NCKAP5: variants seen among roughly 807,000 people sequenced by gnomAD.
NCKAP5 encodes the protein NCK associated protein 5.
NCKAP5 carries 92 observed loss-of-function variants against 167.0 expected under a neutral mutation model. That is an observed-to-expected ratio of 0.55 (90% CI 0.47 to 0.66). NCKAP5 has a LOEUF of 0.66. NCKAP5 is among the 30% of genes least tolerant of loss of function. The pLI, the probability that NCKAP5 is intolerant of heterozygous loss-of-function variation, is 0.00. For missense variants in NCKAP5, 2,378 were observed against 2,315.0 expected (o/e 1.03, Z -0.56); for synonymous variants, 891 against 877.4 (o/e 1.02, Z -0.27).
At chr2:133,083,830 G>T (rs561092587) in intron 6 of NCKAP5, among the ~76,000 whole-genome samples, 1 of 152,266 alleles carries the variant, frequency 6.6e-6, no homozygotes, top group Non-Finnish European at 1.5e-5. Context: ...TGTGCTAAGT[G>T]CTGAGGATAT....
chr2:132,701,297 G>T lies in NCKAP5; in HGVS notation c.5713+24330C>A, dbSNP rs113839994. Among the ~76,000 whole-genome samples the T allele has an allele frequency of 1.3e-5, 2 of 152,114 alleles. 1 individual carries two copies. Among genetic ancestry groups the T allele is most frequent in the African/African-American group, 4.8e-5 (2 of 41,476 alleles). ...AATGAGGGCGGGATAAGAGAGCAGG[G>T]TGCCATCTGGGCCCATTACACACAA... On this transcript the variant is annotated intron_variant, in intron 19 of 19. Coordinates refer to ENST00000409261, the MANE Select transcript of NCKAP5 (RefSeq NM_207363.3).
chr2:132,757,161 G>A (rs1331348121), intron 16 of NCKAP5, among the ~76,000 whole-genome samples: 1 of 152,136 alleles, frequency 6.6e-6, no homozygotes, highest in African/African-American at 2.4e-5. Context: ...CAAAGATAAA[G>A]AAAACATCAT....
At chr2:132,854,644 G>A (rs892795692) in intron 11 of NCKAP5, among the ~76,000 whole-genome samples, 1 of 152,162 alleles carries the variant, frequency 6.6e-6, no homozygotes, top group Non-Finnish European at 1.5e-5. Context: ...CTTGCCCCAC[G>A]CCTGTCTCTG....
intron 9 of NCKAP5, among the ~76,000 whole-genome samples, chr2:132,869,635 C>A (rs1048461482): frequency 6.6e-6 from 1 of 152,114 alleles, no homozygotes; most frequent in African/African-American, 2.4e-5. Context: ...ATTCTTGTAG[C>A]AAAATGTTGC....
At chr2:133,435,406 GT>G (rs1294483312) in intron 3 of NCKAP5, among the ~76,000 whole-genome samples, 3 of 152,154 alleles carry the variant, frequency 2.0e-5, no homozygotes, top group African/African-American at 4.8e-5. Flanking sequence ...AGAGAGCAAT[GT>G]TTTTAATAGG....
chr2:133,272,738 C>A (rs922318270), intron 4 of NCKAP5, among the ~76,000 whole-genome samples: 1 of 152,162 alleles, frequency 6.6e-6, no homozygotes, highest in Non-Finnish European at 1.5e-5. Context: ...CCAGAGGCAA[C>A]CAACAATCTG....
Position 132,731,907 on chromosome 2 carries a change from A to C in NCKAP5, c.5273T>G (p.Leu1758Arg), listed in dbSNP as rs574748963. The C allele has an allele frequency of 6.2e-7, 1 of 1,613,964 alleles. No homozygotes were observed. The highest frequency in any genetic ancestry group is 1.3e-5 in the African/African-American group (1 of 75,046). The change falls in exon 17 of 20, where the codon CTT (leucine) becomes CGT (arginine). Residue 1758 changes from leucine (L) to arginine (R), a missense_variant. Around this residue, in one of 3 missense-constraint regions of NCKAP5, gnomAD observed 1,325 missense variants for 1,274.5 expected, o/e 1.04. Transcript: ENST00000409261. ...GGCTCTCATGGAAGAAACTGCAGAAAGGGCTGACTGGAGAGGCAGGAGAGG... is the reference window on the plus strand; with the variant it reads ...GGCTCTCATGGAAGAAACTGCAGAACGGGCTGACTGGAGAGGCAGGAGAGG... ...AEPLLPLQSA[L>R]SAVSSMRAQT...
chr2:133,403,081 G>A (rs1432160225), intron 3 of NCKAP5, among the ~76,000 whole-genome samples: 1 of 152,168 alleles, frequency 6.6e-6, no homozygotes, highest in African/African-American at 2.4e-5. Flanking sequence ...GAATAGCTTT[G>A]AGAAAAAGAA....
intron 5 of NCKAP5, among the ~76,000 whole-genome samples, chr2:133,136,321 C>T (rs1417170421): frequency 6.6e-6 from 1 of 152,062 alleles, no homozygotes; most frequent in African/African-American, 2.4e-5. Flanking sequence ...GTAATACTGC[C>T]AGAGTTAAAG....
At chr2:133,559,880 C>G (rs1316888444) in intron 1 of NCKAP5, among the ~76,000 whole-genome samples, 2 of 152,176 alleles carry the variant, frequency 1.3e-5, no homozygotes, top group Non-Finnish European at 2.9e-5. Flanking sequence ...TAGAAAATCT[C>G]TAGCCCAAAG....
intron 3 of NCKAP5, among the ~76,000 whole-genome samples, chr2:133,354,574 A>C (rs1005392930): frequency 5.9e-5 from 9 of 152,236 alleles, no homozygotes; most frequent in African/African-American, 2.2e-4. Flanking sequence ...GTTCTAAAGG[A>C]GGGAATTAAA....
At chr2:133,669,843 C>T in the NCKAP5 span, among the ~76,000 whole-genome samples, 1 of 152,190 alleles carries the variant, frequency 6.6e-6, no homozygotes, top group African/African-American at 2.4e-5. Flanking sequence ...CTTCAAAACA[C>T]TTATCTATAG....
At chr2:133,505,547 G>C (rs1001232592) in intron 3 of NCKAP5, among the ~76,000 whole-genome samples, 4 of 152,134 alleles carry the variant, frequency 2.6e-5, no homozygotes, top group African/African-American at 9.7e-5. Flanking sequence ...TGTGTTGTGA[G>C]TCCTTTCCCT....
intron 3 of NCKAP5, among the ~76,000 whole-genome samples, chr2:133,491,326 T>C (rs998042369): frequency 5.3e-5 from 8 of 152,176 alleles, no homozygotes; most frequent in Admixed American, 3.3e-4. Context: ...AGTGGGGTTC[T>C]TGATGGCCCA....
intron 6 of NCKAP5, among the ~76,000 whole-genome samples, chr2:133,086,503 A>G (rs1364596474): frequency 6.6e-6 from 1 of 152,078 alleles, no homozygotes; most frequent in Non-Finnish European, 1.5e-5. Flanking sequence ...TTAACCGGGC[A>G]TGGTGGTGTG....
At chr2:133,160,706 T>C (rs2149937402) in intron 5 of NCKAP5, among the ~76,000 whole-genome samples, 1 of 152,178 alleles carries the variant, frequency 6.6e-6, no homozygotes, top group South Asian at 2.1e-4. Flanking sequence ...CCCTTTTAGG[T>C]GCACAATTTA....
chr2:133,493,883 C>A (rs1379697625), intron 3 of NCKAP5, among the ~76,000 whole-genome samples: 1 of 152,200 alleles, frequency 6.6e-6, no homozygotes, highest in Non-Finnish European at 1.5e-5. Context: ...CTGGAAGGCC[C>A]AAGGCCAGCT....
At chr2:133,610,058 T>G in the NCKAP5 span, among the ~76,000 whole-genome samples, 1 of 152,216 alleles carries the variant, frequency 6.6e-6, no homozygotes, top group Non-Finnish European at 1.5e-5. Context: ...CATCCCTTCC[T>G]GCTTTCTTGG....
At chr2:132,969,196 C>A (rs1470252484) in intron 7 of NCKAP5, among the ~76,000 whole-genome samples, 1 of 151,998 alleles carries the variant, frequency 6.6e-6, no homozygotes. Context: ...TGCCACCACA[C>A]CAGGCTGATT....
Sources: allele counts gnomAD v4.1 joint callset (sites outside exome capture counted in the v4.1 genomes callset), GRCh38; gene constraint gnomAD v4.1.1; regional missense constraint gnomAD v4.1.1; transcripts MANE v1.5; gene names NCBI Gene and HGNC (gene_info 2026-07-23, HGNC 2026-07-21).